Variants in CLCN5 observed in about 807,000 individuals in gnomAD.
CLCN5 encodes H(+)/Cl(-) exchange transporter 5.
A neutral mutation model predicts 54.0 loss-of-function variants in CLCN5; 17 were observed. The ratio of observed to expected loss-of-function variants is 0.31; its 90% CI spans 0.22 to 0.47. The LOEUF (loss-of-function observed/expected upper bound fraction) is 0.47, where lower values mean the gene tolerates loss of function less well. Ranked by LOEUF, CLCN5 falls within the 20% of genes least tolerant of loss-of-function variation. The pLI is 1.00. For missense variants in CLCN5, 448 were observed against 646.7 expected (o/e 0.69, Z 3.33); for synonymous variants, 222 against 233.0 (o/e 0.95, Z 0.43).
intron 3 of CLCN5, among the ~76,000 whole-genome samples, chrX:49,993,807 G>A (rs797042570): frequency 1.8e-5 from 2 of 111,754 alleles, no homozygotes. Context: ...AGAGGTGGGT[G>A]TGGGGGCTGA....
intron 3 of CLCN5, among the ~76,000 whole-genome samples, chrX:49,951,721 A>C (rs1184407304): frequency 8.9e-6 from 1 of 112,041 alleles, no homozygotes. Flanking sequence ...ATTTCAGTAG[A>C]GGTCCCCTCT....
chrX:50,003,300 C>A (rs1296314841), intron 3 of CLCN5: 12 of 352,239 alleles, frequency 3.4e-5, no homozygotes, highest in Non-Finnish European at 6.8e-5. Context: ...GGGAGGTAGA[C>A]CCTCTCTTAC....
intron 4 of CLCN5, among the ~76,000 whole-genome samples, chrX:50,065,013 A>G (rs1557190558): frequency 9.0e-6 from 1 of 111,015 alleles, no homozygotes; most frequent in African/African-American, 3.3e-5. Flanking sequence ...AATTAATTCA[A>G]GATGGATTAA....
At chrX:50,008,522 T>C (rs371361481) in intron 3 of CLCN5, 5 of 347,877 alleles carry the variant, frequency 1.4e-5, no homozygotes, top group African/African-American at 1.3e-4. Context: ...AGCTTCATCT[T>C]CGTGTAGGAC....
At chrX:50,017,789 CTA>C (rs1178924055) in intron 3 of CLCN5, among the ~76,000 whole-genome samples, 1 of 111,054 alleles carries the variant, frequency 9.0e-6, no homozygotes, top group Non-Finnish European at 1.9e-5. Context: ...GATCCATTGA[CTA>C]TATTTTTGTG....
At chrX:50,007,440 T>TCACACACA (rs1198364892) in intron 3 of CLCN5, among the ~76,000 whole-genome samples, 38 of 69,537 alleles carry the variant, frequency 5.5e-4, no homozygotes, top group African/African-American at 1.8e-3. Flanking sequence ...TCTCTCTCTG[T>TCACACACA]CACACACACA....
intron 3 of CLCN5, among the ~76,000 whole-genome samples, chrX:50,022,984 C>G (rs1557184572): frequency 1.2e-5 from 1 of 83,399 alleles, no homozygotes; most frequent in Non-Finnish European, 2.1e-5. Context: ...CTGTAGATGT[C>G]TATTAGGTCT....
At chrX:50,026,682 T>G (rs1339268349) in intron 3 of CLCN5, among the ~76,000 whole-genome samples, 1 of 111,950 alleles carries the variant, frequency 8.9e-6, no homozygotes, top group African/African-American at 3.2e-5. Context: ...TTAATATACC[T>G]ACTCCACATT....
intron 3 of CLCN5, among the ~76,000 whole-genome samples, chrX:50,005,463 A>G (rs1414627288): frequency 8.9e-6 from 1 of 111,829 alleles, no homozygotes; most frequent in African/African-American, 3.3e-5. Flanking sequence ...ACTTCCCTTC[A>G]TCTGCTATTT....
chrX:49,966,394 T>C (rs1483063912), intron 3 of CLCN5, among the ~76,000 whole-genome samples: 1 of 109,459 alleles, frequency 9.1e-6, no homozygotes, highest in African/African-American at 3.3e-5. Flanking sequence ...TTGTAGAATC[T>C]GTAGAGATGT....
chrX:49,937,159 A>G (rs1193138360), intron 3 of CLCN5, among the ~76,000 whole-genome samples: 3 of 111,449 alleles, frequency 2.7e-5, no homozygotes, highest in African/African-American at 9.8e-5. Flanking sequence ...AGAATGGTAT[A>G]TATTATAGGA....
chrX:49,949,470 G>C (rs957121914), intron 3 of CLCN5, among the ~76,000 whole-genome samples: 1 of 112,066 alleles, frequency 8.9e-6, no homozygotes, highest in Non-Finnish European at 1.9e-5. Context: ...TAGAGGATAT[G>C]ACAATTGTTT....
chrX:50,089,297 T>G (rs1289332201), intron 12 of CLCN5, among the ~76,000 whole-genome samples: 2 of 112,248 alleles, frequency 1.8e-5, no homozygotes, highest in Non-Finnish European at 3.8e-5. Flanking sequence ...GTTTAACATC[T>G]TAAAATATGA....
At chrX:49,978,021 G>A (rs1288273333) in intron 3 of CLCN5, among the ~76,000 whole-genome samples, 1 of 112,233 alleles carries the variant, frequency 8.9e-6, no homozygotes, top group Non-Finnish European at 1.9e-5. Flanking sequence ...CCAACGGTAT[G>A]ACCTTGGGTA....
intron 4 of CLCN5, 63 bp downstream of exon 4, chrX:50,042,525 A>AT (rs782648284): frequency 2.5e-4 from 197 of 784,067 alleles, no homozygotes; most frequent in Middle Eastern, 4.9e-4. Flanking sequence ...ATAAAATTTT[A>AT]TTTTTTTTTA....
rs1373449794 is a variant in CLCN5 at position 50,097,469 on chromosome X, G to T, written c.*5250G>T. 1 of 111,355 alleles carries T rather than the reference G, an allele frequency of 9.0e-6. No individual in the cohort carries two copies. Among genetic ancestry groups the T allele is most frequent in the Non-Finnish European group, 1.9e-5 (1 of 52,998 alleles). 9.2% of individuals were successfully genotyped at this position (111,355 alleles called of 1,213,427 possible). A position where few individuals can be genotyped will look rare whatever the true frequency, so the allele number is the denominator to read the frequency against. On this transcript the variant is annotated 3_prime_UTR_variant, in exon 15 of 15. Transcript: ENST00000376091. ...TCCTGCCAAAGGGCCTTCAGCCTCT[G>T]TGTGCACACTTATTGAATGAATGCT...
chrX:49,966,837 A>G (rs1453946983), intron 3 of CLCN5, among the ~76,000 whole-genome samples: 2 of 14,635 alleles, frequency 1.4e-4, no homozygotes, highest in Non-Finnish European at 1.9e-4. Flanking sequence ...TCATTGTTCA[A>G]TTCCCACCTA....
chrX:50,004,430 G>T (rs782595997), intron 3 of CLCN5, among the ~76,000 whole-genome samples: 24 of 111,160 alleles, frequency 2.2e-4, no homozygotes, highest in African/African-American at 7.9e-4. Flanking sequence ...GAGAAGTTTC[G>T]ATATCAAATA....
intron 3 of CLCN5, among the ~76,000 whole-genome samples, chrX:49,944,155 T>G (rs1926550115): frequency 8.9e-6 from 1 of 111,744 alleles, no homozygotes; most frequent in South Asian, 3.8e-4. Context: ...TATTTTATTC[T>G]CTTTGTAGCA....
Sources: gnomAD v4.1 joint callset for allele counts (sites outside exome capture counted in the v4.1 genomes callset) on GRCh38, gnomAD v4.1.1 for gene constraint, MANE v1.5 for transcripts, NCBI Gene and HGNC (gene_info 2026-07-23, HGNC 2026-07-21) for gene names.